The following GRIA1 variants were observed in gnomAD, a reference collection of about 807,000 sequenced individuals.
GRIA1 encodes glutamate receptor 1.
A neutral mutation model predicts 99.2 loss-of-function variants in GRIA1; 31 were observed. That is an observed-to-expected ratio of 0.31 (90% CI 0.23 to 0.42). The LOEUF is 0.42. Ranked by LOEUF, GRIA1 falls within the 10% of genes least tolerant of loss-of-function variation. GRIA1 has a pLI of 1.00. For missense variants in GRIA1, 782 were observed against 1,157.5 expected (o/e 0.68, Z 4.71); for synonymous variants, 438 against 432.4 (o/e 1.01, Z -0.16).
At chr5:153,614,489 C>T (rs553575839) in intron 2 of GRIA1, among the ~76,000 whole-genome samples, 1 of 152,140 alleles carries the variant, frequency 6.6e-6, no homozygotes, top group Admixed American at 6.5e-5. Flanking sequence ...GATTATTATC[C>T]CCGTTTTGCA....
At chr5:153,801,989 A>G (rs1766069463) in intron 14 of GRIA1, among the ~76,000 whole-genome samples, 1 of 150,534 alleles carries the variant, frequency 6.6e-6, no homozygotes, top group African/African-American at 2.4e-5. Flanking sequence ...GCTGAAAAGG[A>G]AGGGACATGG....
intron 5 of GRIA1, among the ~76,000 whole-genome samples, chr5:153,659,175 G>C (rs138909979): frequency 6.6e-6 from 1 of 152,204 alleles, no homozygotes; most frequent in African/African-American, 2.4e-5. Flanking sequence ...GCTTTAAAAA[G>C]TTAAAAGTGT....
At chr5:153,705,633 G>T (rs1025926103) in intron 10 of GRIA1, 64 bp from the exon 11 acceptor site, 1 of 1,384,912 alleles carries the variant, frequency 7.2e-7, no homozygotes, top group Non-Finnish European at 9.3e-7. Flanking sequence ...AAAAACAAGA[G>T]AATGAAAAGG....
chr5:153,579,928 A>T (rs898197390), intron 2 of GRIA1, among the ~76,000 whole-genome samples: 12 of 152,132 alleles, frequency 7.9e-5, no homozygotes, highest in African/African-American at 2.9e-4. Context: ...TGAGCCTCAC[A>T]TTAAACAATT....
chr5:153,563,449 CTTTCT>C (rs1761334631), intron 2 of GRIA1, among the ~76,000 whole-genome samples: 1 of 152,116 alleles, frequency 6.6e-6, no homozygotes, highest in African/African-American at 2.4e-5. Context: ...CCTTACAAGA[CTTTCT>C]TTTCTTTGCC....
chr5:153,530,491 A>G (rs1157728807), intron 2 of GRIA1, among the ~76,000 whole-genome samples: 4 of 152,174 alleles, frequency 2.6e-5, no homozygotes, highest in Non-Finnish European at 5.9e-5. Context: ...CTCTGGCATT[A>G]TGAAAATGAG....
chr5:153,759,720 T>C (rs1031287990), intron 11 of GRIA1, among the ~76,000 whole-genome samples: 5 of 151,982 alleles, frequency 3.3e-5, no homozygotes, highest in African/African-American at 1.2e-4. Context: ...AGAATTACCC[T>C]AATCCCAAAA....
At chr5:153,810,009 C>G (rs1423166216) in intron 15 of GRIA1, among the ~76,000 whole-genome samples, 7 of 152,096 alleles carry the variant, frequency 4.6e-5, no homozygotes, top group African/African-American at 1.2e-4. Flanking sequence ...TTGAGATGGA[C>G]AGTAAAATAT....
At chr5:153,660,063 G>A (rs529682415) in intron 5 of GRIA1, among the ~76,000 whole-genome samples, 1 of 152,246 alleles carries the variant, frequency 6.6e-6, no homozygotes, top group South Asian at 2.1e-4. Context: ...ACAGATGTGG[G>A]AACTGAGGCT....
intron 14 of GRIA1, among the ~76,000 whole-genome samples, chr5:153,799,941 C>T (rs1195550836): frequency 2.6e-5 from 4 of 152,150 alleles, no homozygotes; most frequent in African/African-American, 9.7e-5. Flanking sequence ...GAAGTGAATG[C>T]TCCTCCTTGT....
intron 7 of GRIA1, among the ~76,000 whole-genome samples, chr5:153,685,976 C>A (rs1433877934): frequency 1.3e-5 from 2 of 152,126 alleles, no homozygotes; most frequent in African/African-American, 4.8e-5. Flanking sequence ...TGCACTCTGA[C>A]CCATTGTTAG....
In GRIA1 at chr5:153,566,716, C is replaced by T. The variant is rs201931109; in HGVS notation, c.220+72651C>T. On this transcript the variant is annotated intron_variant, in intron 2 of 15. Transcript: ENST00000285900. ...TCAGATATACATTTGCAAATATTGT[C>T]TTTTTTTTTTTTTTTTTGAGACGGA... 8.0e-4 allele frequency among the ~76,000 whole-genome samples: 93 copies of T among 116,532 alleles called. No homozygotes were observed. In the East Asian group the frequency reaches 0.012, roughly 15 times the overall value. The allele number at this position is 116,532 out of a possible 152,430, so 76.4% of individuals were successfully genotyped here. A position where few individuals can be genotyped will look rare whatever the true frequency, so the allele number is the denominator to read the frequency against.
At chr5:153,541,899 C>T (rs563861878) in intron 2 of GRIA1, among the ~76,000 whole-genome samples, 48 of 135,440 alleles carry the variant, frequency 3.5e-4, no homozygotes, top group Admixed American at 5.3e-4. Context: ...CACTGCACAC[C>T]AGCCGGGTGA....
intron 13 of GRIA1, among the ~76,000 whole-genome samples, chr5:153,783,296 G>A (rs142411861): frequency 7.2e-5 from 11 of 152,220 alleles, no homozygotes; most frequent in Non-Finnish European, 1.2e-4. Flanking sequence ...CATTAATTGC[G>A]GGGGGACCTT....
chr5:153,605,691 G>A (rs1020961576), intron 2 of GRIA1, among the ~76,000 whole-genome samples: 13 of 152,208 alleles, frequency 8.5e-5, no homozygotes, highest in Admixed American at 2.0e-4. Context: ...TGGGGGTGTA[G>A]TGATAACTCA....
intron 7 of GRIA1, among the ~76,000 whole-genome samples, chr5:153,684,941 C>T (rs1377260003): frequency 1.3e-5 from 2 of 152,148 alleles, no homozygotes; most frequent in South Asian, 2.1e-4. Context: ...GGGTCAACCT[C>T]GAAACAGGAA....
At chr5:153,629,222 C>T (rs1323011863) in intron 2 of GRIA1, among the ~76,000 whole-genome samples, 1 of 152,174 alleles carries the variant, frequency 6.6e-6, no homozygotes, top group Non-Finnish European at 1.5e-5. Context: ...CCTCTTCCCT[C>T]CCCCTTCCTC....
chr5:153,495,455 C>T (rs1754319897), intron 2 of GRIA1, among the ~76,000 whole-genome samples: 1 of 152,154 alleles, frequency 6.6e-6, no homozygotes, highest in Non-Finnish European at 1.5e-5. Context: ...TTCCTGGATA[C>T]TGTGACAGAT....
intron 13 of GRIA1, among the ~76,000 whole-genome samples, chr5:153,778,192 AGTGT>A (rs61414750): frequency 0.065 from 2,406 of 37,220 alleles, 24 homozygotes; most frequent in Non-Finnish European, 0.078. Flanking sequence ...AGAGAGAGAG[AGTGT>A]GTGTGTGTGT....
Sources: gnomAD v4.1 joint callset for allele counts (sites outside exome capture counted in the v4.1 genomes callset) on GRCh38, gnomAD v4.1.1 for gene constraint, MANE v1.5 for transcripts, NCBI Gene and HGNC (gene_info 2026-07-23, HGNC 2026-07-21) for gene names.